MEGF10: variants seen among roughly 807,000 people sequenced by gnomAD.
MEGF10 encodes the protein multiple epidermal growth factor-like domains protein 10.
In MEGF10, 86 loss-of-function variants were observed where a neutral mutation model predicts 147.5. The observed-to-expected ratio is 0.58, with a 90% CI of 0.49 to 0.70. MEGF10 has a LOEUF of 0.70. Among genes scored for constraint, MEGF10 ranks in the 30% least tolerant of loss-of-function variants. MEGF10 has a pLI of 0.00. For missense variants in MEGF10, 1,329 were observed against 1,487.3 expected, an observed-to-expected ratio of 0.89 and a Z score of 1.75; for synonymous variants, 478 against 525.5, an observed-to-expected ratio of 0.91 and a Z score of 1.24.
chr5:127,279,466 C>G, the MEGF10 span, among the ~76,000 whole-genome samples: 1 of 152,052 alleles, frequency 6.6e-6, no homozygotes, highest in African/African-American at 2.4e-5. Context: ...AGGTCATCCA[C>G]AGAGAATACT....
At chr5:127,285,794 C>T in the MEGF10 span, among the ~76,000 whole-genome samples, 1 of 152,028 alleles carries the variant, frequency 6.6e-6, no homozygotes, top group African/African-American at 2.4e-5. Flanking sequence ...AAAAATATAT[C>T]TGAATCCCAC....
chr5:127,381,732 G>A (rs1328094244), intron 5 of MEGF10, among the ~76,000 whole-genome samples: 1 of 152,174 alleles, frequency 6.6e-6, no homozygotes, highest in African/African-American at 2.4e-5. Context: ...GTGCAGTGGC[G>A]TGATCTCAAC....
the MEGF10 span, among the ~76,000 whole-genome samples, chr5:127,262,857 CT>C: frequency 6.6e-6 from 1 of 152,030 alleles, no homozygotes; most frequent in Non-Finnish European, 1.5e-5. Flanking sequence ...AAAAGGAGGG[CT>C]TTGGTAGAGA....
chr5:127,422,518 A>C (rs552452277), intron 12 of MEGF10, 152 bp from the exon 13 acceptor site: 1 of 607,888 alleles, frequency 1.6e-6, no homozygotes, highest in South Asian at 2.1e-5. Flanking sequence ...CATCTCAAAA[A>C]AAAAGAAAAA....
At chr5:127,366,119 T>A (rs962027622) in intron 4 of MEGF10, among the ~76,000 whole-genome samples, 10 of 151,910 alleles carry the variant, frequency 6.6e-5, no homozygotes, top group African/African-American at 2.4e-4. Context: ...ATAGGGGAGG[T>A]AAGACCAAGG....
intron 6 of MEGF10, 100 bp from the exon 7 acceptor site, chr5:127,398,576 C>A: frequency 7.4e-7 from 1 of 1,359,850 alleles, no homozygotes; most frequent in Non-Finnish European, 1.0e-6. Flanking sequence ...AATTATTGAA[C>A]ACAGAAAGCT....
At chr5:127,296,236 T>C (rs1375586548) in intron 1 of MEGF10, among the ~76,000 whole-genome samples, 2 of 152,254 alleles carry the variant, frequency 1.3e-5, no homozygotes, top group Non-Finnish European at 2.9e-5. Context: ...TGTGTGGATG[T>C]TATTTGATAA....
intron 24 of MEGF10, 38 bp from the exon 25 acceptor site, chr5:127,457,090 C>T (rs1260125468): frequency 6.6e-7 from 1 of 1,521,548 alleles, no homozygotes; most frequent in Non-Finnish European, 8.8e-7. Flanking sequence ...AAAAACATTT[C>T]CTTTGCTGAT....
At chr5:127,348,133 C>T (rs1378677717) in intron 4 of MEGF10, among the ~76,000 whole-genome samples, 2 of 152,054 alleles carry the variant, frequency 1.3e-5, no homozygotes, top group Non-Finnish European at 1.5e-5. Flanking sequence ...AAGTAATTCT[C>T]ATGGCAATTC....
intron 13 of MEGF10, among the ~76,000 whole-genome samples, chr5:127,429,475 C>G (rs575146838): frequency 6.6e-6 from 1 of 152,122 alleles, no homozygotes; most frequent in Non-Finnish European, 1.5e-5. Flanking sequence ...GAATATCATA[C>G]AGGAAATAGG....
At chr5:127,385,877 G>A (rs1763407844) in intron 5 of MEGF10, among the ~76,000 whole-genome samples, 1 of 152,204 alleles carries the variant, frequency 6.6e-6, no homozygotes, top group Admixed American at 6.5e-5. Flanking sequence ...GGCCCAGGCA[G>A]GAGCACTGCT....
intron 1 of MEGF10, among the ~76,000 whole-genome samples, chr5:127,301,728 C>A (rs1759781176): frequency 6.6e-6 from 1 of 152,152 alleles, no homozygotes; most frequent in African/African-American, 2.4e-5. Flanking sequence ...ATAGCATATA[C>A]TTCAAAGATT....
At chr5:127,282,724 C>G in the MEGF10 span, among the ~76,000 whole-genome samples, 1 of 152,192 alleles carries the variant, frequency 6.6e-6, no homozygotes, top group Non-Finnish European at 1.5e-5. Flanking sequence ...ATCCCCTCTC[C>G]CCACTTTTCT....
chr5:127,419,057 A>G, intron 10 of MEGF10, 63 bp from the exon 11 acceptor site: 2 of 1,532,754 alleles, frequency 1.3e-6, no homozygotes, highest in Non-Finnish European at 1.8e-6. Flanking sequence ...ATTTTTGTTT[A>G]TTTGTGTTGG....
intron 5 of MEGF10, among the ~76,000 whole-genome samples, chr5:127,378,200 T>A (rs114630571): frequency 6.6e-6 from 1 of 152,162 alleles, no homozygotes; most frequent in African/African-American, 2.4e-5. Flanking sequence ...CTCCCTTTCC[T>A]CATGCTTTGA....
At chr5:127,455,300 A>T in intron 23 of MEGF10, 101 bp from the exon 24 acceptor site, 1 of 977,492 alleles carries the variant, frequency 1.0e-6, no homozygotes, top group Non-Finnish European at 1.6e-6. Context: ...AGTGTGTAGA[A>T]TTATGGAAAC....
intron 5 of MEGF10, among the ~76,000 whole-genome samples, chr5:127,388,080 A>G (rs1401424537): frequency 6.6e-6 from 1 of 152,058 alleles, no homozygotes; most frequent in Non-Finnish European, 1.5e-5. Context: ...AGATCCATAT[A>G]CTCTTAAAGC....
At chr5:127,439,709 G>A (rs1765687756) in intron 17 of MEGF10, among the ~76,000 whole-genome samples, 1 of 152,224 alleles carries the variant, frequency 6.6e-6, no homozygotes, top group Admixed American at 6.5e-5. Context: ...ATGGGGTCCA[G>A]AGCCAGACCT....
chr5:127,269,606 T>G, the MEGF10 span, among the ~76,000 whole-genome samples: 1 of 152,294 alleles, frequency 6.6e-6, no homozygotes, highest in East Asian at 1.9e-4. Flanking sequence ...ACCAAATCTA[T>G]GTCTGATTGA....
Sources: gnomAD v4.1 joint callset for allele counts (sites outside exome capture counted in the v4.1 genomes callset) on GRCh38, gnomAD v4.1.1 for gene constraint, MANE v1.5 for transcripts, NCBI Gene and HGNC (gene_info 2026-07-23, HGNC 2026-07-21) for gene names.